CHLSN: variants seen among roughly 807,000 people sequenced by gnomAD.
CHLSN encodes protein cholesin.
the CHLSN span, among the ~76,000 whole-genome samples, chr7:1,004,945 G>T: frequency 1.3e-5 from 2 of 152,140 alleles, no homozygotes; most frequent in African/African-American, 4.8e-5. Context: ...CTCCCCTGTG[G>T]TACTCACCAG....
the CHLSN span, chr7:986,993 T>C: frequency 5.8e-6 from 8 of 1,386,672 alleles, no homozygotes; most frequent in South Asian, 7.6e-5. Flanking sequence ...CGCTGAGGGA[T>C]GGCTGAGCCC....
chr7:1,067,763 G>T, the CHLSN span, among the ~76,000 whole-genome samples: 9 of 140,608 alleles, frequency 6.4e-5, no homozygotes, highest in African/African-American at 8.3e-5. Context: ...GCATCCCAGA[G>T]GTGAGGGTTT....
chr7:1,102,628 G>C, the CHLSN span, among the ~76,000 whole-genome samples: 1 of 151,970 alleles, frequency 6.6e-6, no homozygotes, highest in Non-Finnish European at 1.5e-5. Flanking sequence ...AGCTTTAAGA[G>C]AGAAAGGAAG....
At chr7:984,656 G>T in the CHLSN span, 1 of 1,492,992 alleles carries the variant, frequency 6.7e-7, no homozygotes, top group Non-Finnish European at 8.9e-7. Context: ...CCAGCAGCGG[G>T]AGAGGCTCCC....
chr7:1,009,934 G>C, the CHLSN span: 1 of 1,530,728 alleles, frequency 6.5e-7, no homozygotes, highest in Non-Finnish European at 8.7e-7. Flanking sequence ...GAACCGCGTG[G>C]GGCAGGGCCG....
chr7:1,132,882 C>T, the CHLSN span, among the ~76,000 whole-genome samples: 21,574 of 151,940 alleles, frequency 0.14, 1,743 homozygotes, highest in Middle Eastern at 0.28. Context: ...AGAAGATACA[C>T]GAATGACCAA....
At chr7:1,016,765 A>G in the CHLSN span, among the ~76,000 whole-genome samples, 17,289 of 77,004 alleles carry the variant, frequency 0.22, 3,168 homozygotes, top group Admixed American at 0.29. Flanking sequence ...ACGCCAGCGC[A>G]CAGCGCACAG....
the CHLSN span, chr7:983,246 T>TG: frequency 6.5e-7 from 1 of 1,532,926 alleles, no homozygotes; most frequent in South Asian, 1.2e-5. Flanking sequence ...CTGGGCCTCC[T>TG]GGGGCTCTGG....
chr7:1,045,944 T>G, the CHLSN span: 1 of 152,230 alleles, frequency 6.6e-6, no homozygotes, highest in Non-Finnish European at 1.5e-5. Context: ...AACACAGATT[T>G]AGGGCAGAAT....
At chr7:991,487 GA>G in the CHLSN span, among the ~76,000 whole-genome samples, 4 of 144,442 alleles carry the variant, frequency 2.8e-5, no homozygotes, top group South Asian at 4.6e-4. Context: ...GGGCAGGAGG[GA>G]AGGGGGGGGC....
chr7:980,642 G>A, the CHLSN span, among the ~76,000 whole-genome samples: 8 of 151,800 alleles, frequency 5.3e-5, no homozygotes, highest in Non-Finnish European at 1.2e-4. Context: ...ACACGTACAG[G>A]CAGCCGTTAG....
the CHLSN span, among the ~76,000 whole-genome samples, chr7:1,053,695 CAG>C: frequency 6.6e-6 from 1 of 152,210 alleles, no homozygotes; most frequent in African/African-American, 2.4e-5. Flanking sequence ...GGTGTGGTGG[CAG>C]TCGCCTGTAA....
chr7:1,054,269 G>A, the CHLSN span, among the ~76,000 whole-genome samples: 1 of 152,366 alleles, frequency 6.6e-6, no homozygotes, highest in East Asian at 1.9e-4. Context: ...AACAGGTACG[G>A]CTCGGCTTGT....
chr7:1,019,068 G>A, the CHLSN span, among the ~76,000 whole-genome samples: 60 of 152,136 alleles, frequency 3.9e-4, no homozygotes, highest in African/African-American at 1.2e-3. Flanking sequence ...GGTGGTGCAC[G>A]TCTGTAATCC....
At chr7:991,909 C>G in the CHLSN span, among the ~76,000 whole-genome samples, 5 of 152,168 alleles carry the variant, frequency 3.3e-5, no homozygotes, top group African/African-American at 9.7e-5. Flanking sequence ...GCTCTGGGGA[C>G]CTCGAGTGAG....
chr7:1,054,122 G>T, the CHLSN span, among the ~76,000 whole-genome samples: 7 of 152,220 alleles, frequency 4.6e-5, no homozygotes, highest in African/African-American at 1.7e-4. Context: ...GTCCCCCAGA[G>T]CCCACGGAGC....
the CHLSN span, chr7:989,735 G>C: frequency 5.8e-6 from 1 of 172,856 alleles, no homozygotes; most frequent in African/African-American, 2.4e-5. Flanking sequence ...AGCCGAGTTC[G>C]CACCACTGCA....
the CHLSN span, among the ~76,000 whole-genome samples, chr7:1,064,267 A>C: frequency 6.6e-6 from 1 of 152,146 alleles, no homozygotes; most frequent in Non-Finnish European, 1.5e-5. Flanking sequence ...CTGTGACGTG[A>C]AGATGGGGAG....
chr7:1,100,098 A>G, the CHLSN span, among the ~76,000 whole-genome samples: 5 of 152,226 alleles, frequency 3.3e-5, no homozygotes, highest in African/African-American at 7.2e-5. Context: ...TCTGGGTTAC[A>G]TGAAGGTTGC....
Sources: gnomAD v4.1 joint callset for allele counts (sites outside exome capture counted in the v4.1 genomes callset) on GRCh38, gnomAD v4.1.1 for gene constraint, MANE v1.5 for transcripts, NCBI Gene and HGNC (gene_info 2026-07-23, HGNC 2026-07-21) for gene names.